Variants in LRRC3B observed in about 807,000 individuals in gnomAD.
The protein encoded by LRRC3B is leucine rich repeat containing 3B.
A neutral mutation model predicts 12.8 loss-of-function variants in LRRC3B; 2 were observed. The ratio of observed to expected loss-of-function variants is 0.16; its 90% confidence interval spans 0.06 to 0.49. LRRC3B has a LOEUF of 0.49. Among genes scored for constraint, LRRC3B ranks in the 20% least tolerant of loss-of-function variants. The pLI, the probability that LRRC3B is intolerant of heterozygous loss-of-function variation, is 0.96. For missense variants in LRRC3B, 189 were observed against 319.4 expected (o/e 0.59, Z 3.11); for synonymous variants, 132 against 122.0 (o/e 1.08, Z -0.54).
At chr3:26,707,834 T>G in intron 1 of LRRC3B, among the ~76,000 whole-genome samples, 1 of 152,060 alleles carries the variant, frequency 6.6e-6, no homozygotes, top group East Asian at 1.9e-4. Flanking sequence ...TGCAATACAG[T>G]TTTGAAGGGA....
At chr3:26,660,281 A>G (rs1699467920) in intron 1 of LRRC3B, among the ~76,000 whole-genome samples, 1 of 152,190 alleles carries the variant, frequency 6.6e-6, no homozygotes, top group African/African-American at 2.4e-5. Flanking sequence ...GCATGGTAGA[A>G]GAGCAAGTAA....
At chr3:26,678,374 A>C (rs1699904965) in intron 1 of LRRC3B, among the ~76,000 whole-genome samples, 2 of 152,086 alleles carry the variant, frequency 1.3e-5, no homozygotes, top group South Asian at 4.1e-4. Flanking sequence ...CATGCCTGTA[A>C]TCCCAGCTAC....
chr3:26,642,246 A>G (rs1699045085), intron 1 of LRRC3B, among the ~76,000 whole-genome samples: 1 of 152,200 alleles, frequency 6.6e-6, no homozygotes, highest in African/African-American at 2.4e-5. Context: ...ATCACATTGT[A>G]CAAATAGTCT....
intron 1 of LRRC3B, among the ~76,000 whole-genome samples, chr3:26,652,684 CA>C (rs1699289202): frequency 6.6e-6 from 1 of 151,924 alleles, no homozygotes; most frequent in Admixed American, 6.6e-5. Context: ...TACTCACTTC[CA>C]AAACCCCTTT....
intron 1 of LRRC3B, among the ~76,000 whole-genome samples, chr3:26,644,346 T>C (rs1320318551): frequency 6.6e-6 from 1 of 152,234 alleles, no homozygotes; most frequent in African/African-American, 2.4e-5. Flanking sequence ...CAGAAGTGTT[T>C]TTATTCATTC....
At chr3:26,688,340 C>T (rs1001159624) in intron 1 of LRRC3B, among the ~76,000 whole-genome samples, 3 of 152,130 alleles carry the variant, frequency 2.0e-5, no homozygotes, top group Admixed American at 6.6e-5. Context: ...GTTGAAAGTT[C>T]GACTTGGTCA....
chr3:26,658,450 C>T (rs1360944759), intron 1 of LRRC3B, among the ~76,000 whole-genome samples: 7 of 152,102 alleles, frequency 4.6e-5, no homozygotes, highest in Admixed American at 2.6e-4. Flanking sequence ...ACAGTAATTA[C>T]GTGGGAACTT....
At chr3:26,629,121 G>A (rs1698695065) in intron 1 of LRRC3B, among the ~76,000 whole-genome samples, 1 of 152,120 alleles carries the variant, frequency 6.6e-6, no homozygotes, top group African/African-American at 2.4e-5. Flanking sequence ...ATTTGACAAA[G>A]TGGTAAGTAT....
intron 1 of LRRC3B, among the ~76,000 whole-genome samples, chr3:26,642,251 T>C (rs1304325636): frequency 1.3e-5 from 2 of 152,200 alleles, no homozygotes; most frequent in Non-Finnish European, 2.9e-5. Context: ...ATTGTACAAA[T>C]AGTCTCATCT....
At chr3:26,663,650 G>T (rs1325355462) in intron 1 of LRRC3B, among the ~76,000 whole-genome samples, 1 of 152,118 alleles carries the variant, frequency 6.6e-6, no homozygotes, top group Admixed American at 6.5e-5. Context: ...CCCAAGGTAA[G>T]GGGGCGATTC....
At chr3:26,671,361 T>TAGAGAG (rs1168710721) in intron 1 of LRRC3B, among the ~76,000 whole-genome samples, 3 of 49,258 alleles carry the variant, frequency 6.1e-5, no homozygotes, top group Admixed American at 3.1e-4. Flanking sequence ...TATATATATA[T>TAGAGAG]ATATATATAT....
At chr3:26,629,512 C>T (rs1009953304) in intron 1 of LRRC3B, among the ~76,000 whole-genome samples, 1 of 152,352 alleles carries the variant, frequency 6.6e-6, no homozygotes, top group Middle Eastern at 3.4e-3. Flanking sequence ...AGGGCTCCCC[C>T]TGTTAGCGGT....
At chr3:26,641,007 T>C (rs1318625980) in intron 1 of LRRC3B, among the ~76,000 whole-genome samples, 1 of 151,952 alleles carries the variant, frequency 6.6e-6, no homozygotes, top group Non-Finnish European at 1.5e-5. Context: ...CTTTCTACAG[T>C]TGTGGGAGAT....
chr3:26,688,516 G>A (rs1371420018), intron 1 of LRRC3B, among the ~76,000 whole-genome samples: 1 of 152,128 alleles, frequency 6.6e-6, no homozygotes, highest in African/African-American at 2.4e-5. Flanking sequence ...GCTGGCATCT[G>A]CTCAGCTTCT....
intron 1 of LRRC3B, among the ~76,000 whole-genome samples, chr3:26,692,537 G>T (rs927646195): frequency 6.6e-6 from 1 of 152,048 alleles, no homozygotes; most frequent in Non-Finnish European, 1.5e-5. Context: ...AAATAATTTG[G>T]TATCTAATGA....
At chr3:26,631,495 A>G (rs945930984) in intron 1 of LRRC3B, among the ~76,000 whole-genome samples, 20 of 152,222 alleles carry the variant, frequency 1.3e-4, no homozygotes, top group East Asian at 7.7e-4. Context: ...TAAAGTAGAT[A>G]ATAAGGCCCT....
chr3:26,704,502 A>G (rs889362857), intron 1 of LRRC3B, among the ~76,000 whole-genome samples: 3 of 152,246 alleles, frequency 2.0e-5, no homozygotes, highest in African/African-American at 7.2e-5. Context: ...TGTATACATC[A>G]TATACATTGC....
At chr3:26,676,753 A>T (rs1699868778) in intron 1 of LRRC3B, among the ~76,000 whole-genome samples, 1 of 152,206 alleles carries the variant, frequency 6.6e-6, no homozygotes, top group Admixed American at 6.5e-5. Flanking sequence ...TACCCAAAGG[A>T]TTGTAAATCA....
intron 1 of LRRC3B, among the ~76,000 whole-genome samples, chr3:26,628,657 T>A (rs956744294): frequency 6.6e-6 from 1 of 151,888 alleles, no homozygotes; most frequent in South Asian, 2.1e-4. Flanking sequence ...ACATATACTT[T>A]ATAAAAACTT....
Sources: gnomAD v4.1 joint callset for allele counts (sites outside exome capture counted in the v4.1 genomes callset) on GRCh38, gnomAD v4.1.1 for gene constraint, MANE v1.5 for transcripts, NCBI Gene and HGNC (gene_info 2026-07-23, HGNC 2026-07-21) for gene names.